Variants in RPA3 observed in about 807,000 individuals in gnomAD.
RPA3 encodes the protein replication protein A3.
In RPA3, 24 loss-of-function variants were observed where a neutral mutation model predicts 13.7. That is an observed-to-expected ratio of 1.75 (90% CI 1.27 to 2.46). The LOEUF is 2.46. Ranked by LOEUF, RPA3 falls within the 30% of genes most tolerant of loss-of-function variation. The pLI, the probability that RPA3 is intolerant of heterozygous loss-of-function variation, is 0.00. For synonymous variants in RPA3, 59 were observed against 51.2 expected (o/e 1.15, Z -0.65); for missense variants, 183 against 151.0 (o/e 1.21, Z -1.11).
intron 4 of RPA3, among the ~76,000 whole-genome samples, chr7:7,669,701 G>A (rs1426506942): frequency 1.3e-5 from 2 of 152,232 alleles, no homozygotes; most frequent in African/African-American, 4.8e-5. Flanking sequence ...GAGGTGGACT[G>A]TAGTAGGGGA....
chr7:7,680,578 T>A (rs1358749061), intron 4 of RPA3, among the ~76,000 whole-genome samples: 1 of 152,172 alleles, frequency 6.6e-6, no homozygotes, highest in East Asian at 1.9e-4. Context: ...CTGTGAAGAA[T>A]GTCTTTGGTA....
At chr7:7,704,872 C>A (rs918705151) in intron 2 of RPA3, among the ~76,000 whole-genome samples, 3 of 134,500 alleles carry the variant, frequency 2.2e-5, no homozygotes, top group Admixed American at 7.7e-5. Flanking sequence ...TGAAAAAAAA[C>A]GATGTGTTTT....
At chr7:7,676,032 A>G (rs1210325449) in intron 4 of RPA3, 1 of 397,778 alleles carries the variant, frequency 2.5e-6, no homozygotes, top group Non-Finnish European at 4.4e-6. Context: ...AGTCAGCATC[A>G]TGTCTCAGCT....
intron 1 of RPA3, among the ~76,000 whole-genome samples, chr7:7,716,093 G>C (rs921857339): frequency 1.2e-4 from 18 of 152,110 alleles, no homozygotes; most frequent in Admixed American, 3.9e-4. Flanking sequence ...TATGGATGCA[G>C]AAAGCAAACA....
chr7:7,641,297 A>C (rs987127129), intron 4 of RPA3, 122 bp from the exon 5 acceptor site: 1 of 152,150 alleles, frequency 6.6e-6, no homozygotes, highest in African/African-American at 2.4e-5. Flanking sequence ...CAATAGAAGC[A>C]CTTAAGGATG....
intron 1 of RPA3, among the ~76,000 whole-genome samples, chr7:7,718,057 A>G (rs1780961035): frequency 6.6e-6 from 1 of 152,204 alleles, no homozygotes. Flanking sequence ...AGTGTGTTGA[A>G]TAACCTGTGA....
At position 7,683,520 on chromosome 7, in the gene RPA3, A is replaced by G. The variant is rs1238760341; in HGVS notation, c.-758+2310T>C. Among the ~76,000 whole-genome samples the G allele has an allele frequency of 4.6e-5, 7 of 152,376 alleles. No homozygotes were observed. In the East Asian group the frequency reaches 1.3e-3, roughly 29 times the overall value. On this transcript the variant is annotated intron_variant, in intron 4 of 7. Coordinates refer to ENST00000223129, the MANE Select transcript of RPA3 (RefSeq NM_002947.5). ...ATAAACAAAAAGCAAATAAAACCAC[A>G]GAATTTCTGGGTAATTACATTTCCT... is the stretch of plus-strand genomic sequence containing the variant.
At chr7:7,671,957 C>T (rs2115105975) in intron 4 of RPA3, among the ~76,000 whole-genome samples, 1 of 152,144 alleles carries the variant, frequency 6.6e-6, no homozygotes, top group Non-Finnish European at 1.5e-5. Flanking sequence ...GTGAAATCTG[C>T]CAGATATGTT....
At chr7:7,654,049 A>G (rs756342587) in intron 4 of RPA3, among the ~76,000 whole-genome samples, 4 of 152,216 alleles carry the variant, frequency 2.6e-5, no homozygotes, top group Non-Finnish European at 4.4e-5. Flanking sequence ...CATATTGTGA[A>G]TAAGAAGCAG....
chr7:7,699,057 G>C (rs890900198), intron 2 of RPA3, among the ~76,000 whole-genome samples: 5 of 150,810 alleles, frequency 3.3e-5, no homozygotes, highest in Admixed American at 1.3e-4. Context: ...TGTGGGGGGG[G>C]GGTAGATACC....
chr7:7,643,995 C>G (rs927969500), intron 4 of RPA3, among the ~76,000 whole-genome samples: 1 of 152,096 alleles, frequency 6.6e-6, no homozygotes, highest in Non-Finnish European at 1.5e-5. Context: ...CTTGGGGTAA[C>G]TTGGATCTCT....
chr7:7,641,972 A>G (rs1469072360), intron 4 of RPA3, among the ~76,000 whole-genome samples: 1 of 152,204 alleles, frequency 6.6e-6, no homozygotes, highest in Non-Finnish European at 1.5e-5. Flanking sequence ...CATTAAACAG[A>G]TGTAGAATGT....
At chr7:7,660,616 GTTGACTATTGGC>G (rs1370014050) in intron 4 of RPA3, among the ~76,000 whole-genome samples, 1 of 152,206 alleles carries the variant, frequency 6.6e-6, no homozygotes, top group Non-Finnish European at 1.5e-5. Context: ...CTTTAAGAAT[GTTGACTATTGGC>G]CCCACTCTCT....
At chr7:7,637,307 T>C (rs1056293502) in intron 7 of RPA3, among the ~76,000 whole-genome samples, 1 of 152,190 alleles carries the variant, frequency 6.6e-6, no homozygotes, top group Non-Finnish European at 1.5e-5. Flanking sequence ...TTCTGCCTGG[T>C]AGTGTTTTGG....
chr7:7,651,741 A>G (rs1450160822), intron 4 of RPA3, among the ~76,000 whole-genome samples: 1 of 152,170 alleles, frequency 6.6e-6, no homozygotes, highest in Non-Finnish European at 1.5e-5. Flanking sequence ...GGCATTCATC[A>G]TATGTGACTC....
chr7:7,666,606 A>AT (rs1779465106), intron 4 of RPA3, among the ~76,000 whole-genome samples: 1 of 151,886 alleles, frequency 6.6e-6, no homozygotes, highest in African/African-American at 2.4e-5. Context: ...GATATGGGTC[A>AT]TTTTCCTTGT....
intron 2 of RPA3, among the ~76,000 whole-genome samples, chr7:7,698,093 A>G (rs1051779169): frequency 4.6e-5 from 7 of 152,188 alleles, no homozygotes; most frequent in African/African-American, 1.2e-4. Context: ...ATCTGAATCA[A>G]ATACTTACTA....
intron 5 of RPA3, 99 bp downstream of exon 5, chr7:7,640,221 T>C (rs1054206917): frequency 1.6e-6 from 2 of 1,268,832 alleles, no homozygotes; most frequent in Non-Finnish European, 2.3e-6. Context: ...GGGGGCGCAG[T>C]GATCGGAGGC....
At chr7:7,704,640 C>T (rs963580953) in intron 2 of RPA3, among the ~76,000 whole-genome samples, 26 of 147,844 alleles carry the variant, frequency 1.8e-4, no homozygotes, top group Non-Finnish European at 7.5e-5. Flanking sequence ...TGGTCATGCA[C>T]GTCTGTAGTC....
Sources: allele counts gnomAD v4.1 joint callset (sites outside exome capture counted in the v4.1 genomes callset), GRCh38; gene constraint gnomAD v4.1.1; transcripts MANE v1.5; gene names NCBI Gene and HGNC (gene_info 2026-07-23, HGNC 2026-07-21).